COL6A5: variants seen among roughly 807,000 people sequenced by gnomAD.
The protein encoded by COL6A5 is collagen alpha-5(VI) chain.
In COL6A5, 48 loss-of-function variants were observed where a neutral mutation model predicts 65.6. The observed-to-expected ratio is 0.73, with a 90% CI of 0.58 to 0.93. The LOEUF (loss-of-function observed/expected upper bound fraction) is 0.93, where lower values mean the gene tolerates loss of function less well. COL6A5 is among the 40% of genes least tolerant of loss of function. COL6A5 has a pLI of 0.00. For missense variants in COL6A5, 914 were observed against 928.3 expected (o/e 0.98, Z 0.20); for synonymous variants, 291 against 322.8 (o/e 0.90, Z 1.05).
intron 1 of COL6A5, among the ~76,000 whole-genome samples, chr3:130,356,370 A>C (rs528030947): frequency 2.4e-4 from 36 of 152,284 alleles, no homozygotes; most frequent in Non-Finnish European, 4.9e-4. Context: ...TAAGATAGGC[A>C]AAAATAAATA....
intron 7 of COL6A5, 98 bp from the exon 8 acceptor site, chr3:130,394,792 T>C (rs10934938): frequency 1.2e-6 from 1 of 806,628 alleles, no homozygotes; most frequent in African/African-American, 1.7e-5. Context: ...CTAATGTAAA[T>C]CAATTGAAGT....
chr3:130,401,982 AC>A, intron 12 of COL6A5, 128 bp downstream of exon 12: 2 of 648,132 alleles, frequency 3.1e-6, no homozygotes, highest in Middle Eastern at 2.7e-4. Flanking sequence ...ATTTCATGTG[AC>A]TTTTTTGGAA....
chr3:130,440,953 G>A (rs1419815790), intron 3 of COL6A5, 128 bp downstream of exon 35: 2 of 757,936 alleles, frequency 2.6e-6, no homozygotes, highest in Admixed American at 2.8e-5. Context: ...TGAGATAGGG[G>A]CAGGAATGGA....
chr3:130,427,476 G>A (rs66743633), upstream of COL6A5, among the ~76,000 whole-genome samples: 15,294 of 152,176 alleles, frequency 0.1, 926 homozygotes, highest in Middle Eastern at 0.19. Context: ...GAGAGGCTGA[G>A]TGTCACCAAG....
intron 5 of COL6A5, 132 bp from the exon 38 acceptor site, chr3:130,468,663 A>AT (rs1317981034): frequency 1.5e-6 from 1 of 650,766 alleles, no homozygotes; most frequent in Non-Finnish European, 2.6e-6. Context: ...AAGCAATGTG[A>AT]TTATTGATGT....
intron 2 of COL6A5, among the ~76,000 whole-genome samples, chr3:130,374,659 G>C (rs1454282816): frequency 6.6e-6 from 1 of 152,026 alleles, no homozygotes; most frequent in Non-Finnish European, 1.5e-5. Flanking sequence ...TCATCATCTT[G>C]CACAGGCTGG....
chr3:130,402,158 A>T (rs1936838682), intron 12 of COL6A5, among the ~76,000 whole-genome samples: 2 of 152,142 alleles, frequency 1.3e-5, no homozygotes. Flanking sequence ...AGTGGAGATG[A>T]AGCTGGGTGT....
At chr3:130,395,436 G>A (rs766069692) in exon 8 of COL6A5, 17 of 1,545,296 alleles carry the variant, frequency 1.1e-5, no homozygotes, top group East Asian at 4.9e-5. Context: ...AGAATCATCC[G>A]TGAAATCTGC....
At chr3:130,439,552 C>G (rs1479064040) in exon 2 of COL6A5, 1 of 1,550,948 alleles carries the variant, frequency 6.4e-7, no homozygotes, top group African/African-American at 1.4e-5. Flanking sequence ...TCAGGTGATT[C>G]CAGTTCCTCC....
At chr3:130,345,769 G>A (rs906137358) in exon 1 of COL6A5, 1 of 398,624 alleles carries the variant, frequency 2.5e-6, no homozygotes, top group Non-Finnish European at 4.4e-6. Flanking sequence ...CTCAGGGCAC[G>A]AGGCGTTCGC....
chr3:130,421,203 G>A, exon 26 of COL6A5: 1 of 1,550,458 alleles, frequency 6.4e-7, no homozygotes, highest in Admixed American at 2.0e-5. Flanking sequence ...AAGGAGTAAA[G>A]GTAAATATGG....
exon 23 of COL6A5, chr3:130,415,707 G>A: frequency 6.5e-7 from 1 of 1,547,796 alleles, no homozygotes; most frequent in Non-Finnish European, 8.7e-7. Context: ...AAGGACCTCA[G>A]GTGAGTGACT....
chr3:130,388,570 T>C lies in COL6A5; in HGVS notation c.1862-10T>C, dbSNP rs1044423759. On this transcript the variant is annotated splice_polypyrimidine_tract_variant and intron_variant and NMD_transcript_variant, in intron 5 of 41. Coordinates refer to the COL6A5 transcript ENST00000312481. Reference sequence around the variant, plus strand: ...TGGTTATTTCTGGTCTTTTTTTTTATAACATGCAGGATGTGAAGACATGAA... The same window carrying C: ...TGGTTATTTCTGGTCTTTTTTTTTACAACATGCAGGATGTGAAGACATGAA... The C allele has an allele frequency of 2.0e-6, 3 of 1,499,642 alleles. No individual in the cohort carries two copies. Among genetic ancestry groups the C allele is most frequent in the Non-Finnish European group, 1.8e-6 (2 of 1,126,086 alleles). 92.9% of individuals were successfully genotyped at this position (1,499,642 alleles called of 1,614,324 possible).
At chr3:130,483,067 A>G (rs950799588) in intron 7 of COL6A5, among the ~76,000 whole-genome samples, 3 of 152,172 alleles carry the variant, frequency 2.0e-5, no homozygotes, top group African/African-American at 7.2e-5. Flanking sequence ...GTGGGGGCCA[A>G]TATTCAACAT....
chr3:130,421,047 C>A, intron 25 of COL6A5, 106 bp from the exon 26 acceptor site: 1 of 1,007,708 alleles, frequency 9.9e-7, no homozygotes, highest in Non-Finnish European at 1.5e-6. Flanking sequence ...GCCCCTTCTG[C>A]ATGGAAGTCC....
Position 130,452,760 on chromosome 3 carries a change from G to A in COL6A5, c.1333-2695G>A, listed in dbSNP as rs181208047. 6.9e-4 allele frequency among the ~76,000 whole-genome samples: 105 copies of A among 152,226 alleles called. 2 individuals carry two copies. The East Asian group carries it at 0.01, about 15-fold the overall frequency. ...AAATTTATTAGGTGGGAATTTCCTTGTCCTAATAAGCCTGGGAGCACTATG... is the reference window on the plus strand; with the variant it reads ...AAATTTATTAGGTGGGAATTTCCTTATCCTAATAAGCCTGGGAGCACTATG... On this transcript the variant is annotated intron_variant, in intron 4 of 7. Coordinates refer to ENST00000512836, the Ensembl canonical transcript of COL6A5.
intron 3 of COL6A5, among the ~76,000 whole-genome samples, chr3:130,442,961 C>A (rs2107705205): frequency 6.6e-6 from 1 of 152,142 alleles, no homozygotes; most frequent in Non-Finnish European, 1.5e-5. Flanking sequence ...ATTTATAGAA[C>A]AACATCAGGA....
Position 130,473,490 on chromosome 3 carries a change from G to A in COL6A5, c.2328+2523G>A, listed in dbSNP as rs542629887. Among the ~76,000 whole-genome samples, 16 of 152,206 alleles carry A rather than the reference G, an allele frequency of 1.1e-4. No homozygotes were observed. In the South Asian group the frequency reaches 1.5e-3, roughly 14 times the overall value. ...CTTTGAAGGCAGGCATCAGTTGGCA[G>A]CTAAGTGGAAAGCTAGACACTTAAA... On this transcript the variant is annotated intron_variant, in intron 7 of 7. Transcript: ENST00000512836.
intron 1 of COL6A5, among the ~76,000 whole-genome samples, chr3:130,358,717 A>T (rs541358865): frequency 6.6e-6 from 1 of 152,196 alleles, no homozygotes; most frequent in Admixed American, 6.5e-5. Flanking sequence ...AAGGACTTCC[A>T]TATGTTCCTG....
Sources: allele counts gnomAD v4.1 joint callset (sites outside exome capture counted in the v4.1 genomes callset), GRCh38; gene constraint gnomAD v4.1.1; transcripts MANE v1.5; gene names NCBI Gene and HGNC (gene_info 2026-07-23, HGNC 2026-07-21).